NCKAP5: variants seen among roughly 807,000 people sequenced by gnomAD.
NCKAP5 encodes nck-associated protein 5.
In NCKAP5, 92 loss-of-function variants were observed where a neutral mutation model predicts 167.0. The observed-to-expected ratio is 0.55, with a 90% confidence interval of 0.47 to 0.66. The LOEUF is 0.66. NCKAP5 is among the 30% of genes least tolerant of loss of function. The pLI is 0.00. For synonymous variants in NCKAP5, 891 were observed against 877.4 expected (o/e 1.02, Z -0.27); for missense variants, 2,378 against 2,315.0 (o/e 1.03, Z -0.56).
intron 11 of NCKAP5, among the ~76,000 whole-genome samples, chr2:132,841,116 A>C (rs891534531): frequency 2.0e-5 from 3 of 152,158 alleles, no homozygotes; most frequent in African/African-American, 7.2e-5. Context: ...TTGATTTTAA[A>C]TATAATAGCT....
chr2:133,017,960 G>A (rs1467714752), intron 6 of NCKAP5, among the ~76,000 whole-genome samples: 1 of 152,190 alleles, frequency 6.6e-6, no homozygotes, highest in East Asian at 1.9e-4. Context: ...CAAGGGCAAG[G>A]TGAAGAGTCT....
chr2:132,939,155 T>TGG lies in NCKAP5; in HGVS notation c.579+24564_579+24565insCC, dbSNP rs57078986. Reference sequence around the variant, plus strand: ...AAAAAAATGACCTTTTAAAAACACTTAAACGGTTAACTTTTGATCTCAAGT... The same window carrying TGG: ...AAAAAAATGACCTTTTAAAAACACTTGGAAACGGTTAACTTTTGATCTCAAGT... On this transcript the variant is annotated intron_variant, in intron 8 of 19. Transcript: ENST00000409261. Among the ~76,000 whole-genome samples the TGG allele has an allele frequency of 2.6e-3, 398 of 152,356 alleles. 2 individuals carry two copies. The highest frequency in any genetic ancestry group is 9.1e-3 in the African/African-American group (380 of 41,594).
intron 19 of NCKAP5, among the ~76,000 whole-genome samples, chr2:132,692,830 T>C (rs1283908528): frequency 6.6e-6 from 1 of 152,232 alleles, no homozygotes; most frequent in African/African-American, 2.4e-5. Context: ...AAATTCTCCA[T>C]GATCTATTCT....
At position 133,027,993 on chromosome 2, in the gene NCKAP5, G is replaced by C. The variant is rs181474410; in HGVS notation, c.342-33754C>G. Among the ~76,000 whole-genome samples, 318 of 152,154 alleles carry C rather than the reference G, an allele frequency of 2.1e-3. 4 individuals are homozygous for C. The highest frequency in any genetic ancestry group is 7.3e-3 in the African/African-American group (303 of 41,546). ...TTAATATAAATTCAAAATCCAAAACGTTTTGAGCATCGACAAGATATGCAA... is the reference window on the plus strand; with the variant it reads ...TTAATATAAATTCAAAATCCAAAACCTTTTGAGCATCGACAAGATATGCAA... On this transcript the variant is annotated intron_variant, in intron 6 of 19. Transcript: ENST00000409261.
intron 3 of NCKAP5, among the ~76,000 whole-genome samples, chr2:133,327,753 T>C (rs1682551814): frequency 6.6e-6 from 1 of 152,172 alleles, no homozygotes; most frequent in Non-Finnish European, 1.5e-5. Context: ...TAGCCTTGGA[T>C]TTTTTATAAG....
chr2:133,192,378 A>G (rs1173234631), intron 5 of NCKAP5, among the ~76,000 whole-genome samples: 1 of 152,102 alleles, frequency 6.6e-6, no homozygotes, highest in Admixed American at 6.6e-5. Context: ...TGCTACCAGT[A>G]GCACAAATCC....
intron 5 of NCKAP5, among the ~76,000 whole-genome samples, chr2:133,188,794 G>A (rs1461614720): frequency 6.6e-6 from 1 of 152,048 alleles, no homozygotes; most frequent in Non-Finnish European, 1.5e-5. Context: ...AGTGTGTAGA[G>A]GGAAATTTAT....
the NCKAP5 span, among the ~76,000 whole-genome samples, chr2:133,607,836 C>G: frequency 2.0e-5 from 3 of 152,194 alleles, no homozygotes; most frequent in African/African-American, 7.2e-5. Flanking sequence ...AAGCTTGCCA[C>G]TAGGAAATCC....
intron 3 of NCKAP5, among the ~76,000 whole-genome samples, chr2:133,312,472 G>A (rs1681310754): frequency 6.6e-6 from 1 of 152,118 alleles, no homozygotes; most frequent in Non-Finnish European, 1.5e-5. Context: ...GTGCTTCTTG[G>A]GGTGAACACG....
intron 2 of NCKAP5, among the ~76,000 whole-genome samples, chr2:133,548,158 C>G (rs902595690): frequency 2.0e-5 from 3 of 150,728 alleles, no homozygotes; most frequent in Non-Finnish European, 4.4e-5. Flanking sequence ...TGAAATGAAG[C>G]GAGAAGGGAA....
At chr2:132,767,497 T>C (rs10208206) in intron 16 of NCKAP5, among the ~76,000 whole-genome samples, 54,544 of 151,962 alleles carry the variant, frequency 0.36, 10,410 homozygotes, top group East Asian at 0.48. Flanking sequence ...CCACCCGCCT[T>C]GGCCTCCTAG....
intron 11 of NCKAP5, among the ~76,000 whole-genome samples, chr2:132,802,571 C>T (rs1685125340): frequency 6.6e-6 from 1 of 152,104 alleles, no homozygotes; most frequent in Non-Finnish European, 1.5e-5. Flanking sequence ...TTGCTCACTT[C>T]CTCTGATTGC....
intron 8 of NCKAP5, among the ~76,000 whole-genome samples, chr2:132,900,980 A>C (rs1236616046): frequency 2.0e-5 from 3 of 150,550 alleles, no homozygotes; most frequent in South Asian, 2.1e-4. Context: ...AAAAAAAGAA[A>C]AAAAAAAAAA....
rs532401166 is a variant in NCKAP5, at chr2:132,715,409, C to T, written c.5713+10218G>A. Among the ~76,000 whole-genome samples, 10 of 152,236 alleles carry T rather than the reference C, an allele frequency of 6.6e-5. No individual in the cohort carries two copies. In the South Asian group the frequency reaches 8.3e-4, roughly 13 times the overall value. On this transcript the variant is annotated intron_variant, in intron 19 of 19. Transcript: ENST00000409261. ...CTTTCTAAATGTCTCTATGTGCTTT[C>T]GAGCCAAATATAAAACTCTAAGGTC...
chr2:133,466,269 C>G (rs1472903043), intron 3 of NCKAP5, among the ~76,000 whole-genome samples: 2 of 147,782 alleles, frequency 1.4e-5, no homozygotes, highest in Non-Finnish European at 1.5e-5. Flanking sequence ...AATAGGGAAT[C>G]CTTTCCCCAT....
intron 8 of NCKAP5, among the ~76,000 whole-genome samples, chr2:132,902,087 T>G (rs1319679998): frequency 6.6e-6 from 1 of 152,232 alleles, no homozygotes; most frequent in Non-Finnish European, 1.5e-5. Context: ...CAATTATTAC[T>G]GTGAATCACC....
the NCKAP5 span, among the ~76,000 whole-genome samples, chr2:133,589,694 G>T: frequency 6.6e-6 from 1 of 152,198 alleles, no homozygotes; most frequent in African/African-American, 2.4e-5. Flanking sequence ...GATGGCCAGA[G>T]CCCCTTTATA....
intron 19 of NCKAP5, among the ~76,000 whole-genome samples, chr2:132,678,164 C>A (rs1684743593): frequency 6.6e-6 from 1 of 151,900 alleles, no homozygotes; most frequent in African/African-American, 2.4e-5. Context: ...GATAAACCAG[C>A]AAAAAATATA....
chr2:133,434,552 T>A (rs72846352), intron 3 of NCKAP5, among the ~76,000 whole-genome samples: 2 of 152,162 alleles, frequency 1.3e-5, no homozygotes, highest in Non-Finnish European at 2.9e-5. Context: ...ATGGGGTTTA[T>A]AGTGACAATA....
Sources: gnomAD v4.1 joint callset for allele counts (sites outside exome capture counted in the v4.1 genomes callset) on GRCh38, gnomAD v4.1.1 for gene constraint, MANE v1.5 for transcripts, NCBI Gene and HGNC (gene_info 2026-07-23, HGNC 2026-07-21) for gene names.